Variants in ROBO2 observed in about 807,000 individuals in gnomAD.
ROBO2 encodes the protein roundabout homolog 2.
ROBO2 carries 53 observed loss-of-function variants against 160.8 expected under a neutral mutation model. The ratio of observed to expected loss-of-function variants is 0.33; its 90% CI spans 0.26 to 0.41. The LOEUF is 0.41. ROBO2 is among the 10% of genes least tolerant of loss of function. The pLI, the probability that ROBO2 is intolerant of heterozygous loss-of-function variation, is 1.00. For missense variants in ROBO2, 1,577 were observed against 1,722.4 expected (o/e 0.92, Z 1.49); for synonymous variants, 664 against 611.7 (o/e 1.09, Z -1.26).
At chr3:77,095,026 T>G (rs1038213171) in intron 1 of ROBO2, among the ~76,000 whole-genome samples, 6 of 152,178 alleles carry the variant, frequency 3.9e-5, no homozygotes, top group African/African-American at 1.4e-4. Flanking sequence ...TTTTATAACA[T>G]CCAGTTTATC....
rs117648478 is a variant in ROBO2 at position 76,142,346 on chromosome 3, A to G, written c.109+204744A>G. Reference sequence around the variant, plus strand: ...TACCCAAAAGAAAGGAAATCAGTTTATGGAAGAGATATCTGCACTCCTACG... The same window carrying G: ...TACCCAAAAGAAAGGAAATCAGTTTGTGGAAGAGATATCTGCACTCCTACG... On this transcript the variant is annotated intron_variant, in intron 2 of 26. Transcript: ENST00000487694. Among the ~76,000 whole-genome samples the G allele has an allele frequency of 5.2e-3, 794 of 152,188 alleles. 15 individuals carry two copies. Among genetic ancestry groups the G allele is most frequent in the East Asian group, 0.044 (224 of 5,146 alleles).
chr3:76,393,154 G>T, intron 2 of ROBO2, among the ~76,000 whole-genome samples: 1 of 152,082 alleles, frequency 6.6e-6, no homozygotes, highest in East Asian at 1.9e-4. Context: ...CATCATGGGA[G>T]CTTGTTAAAA....
At chr3:76,568,659 A>G (rs141236683) in intron 2 of ROBO2, among the ~76,000 whole-genome samples, 4 of 152,174 alleles carry the variant, frequency 2.6e-5, no homozygotes, top group Non-Finnish European at 5.9e-5. Context: ...TTCTGGTAGT[A>G]TTTCTGCCAT....
chr3:77,251,679 G>A (rs2090364474), intron 2 of ROBO2, among the ~76,000 whole-genome samples: 1 of 152,076 alleles, frequency 6.6e-6, no homozygotes, highest in Non-Finnish European at 1.5e-5. Context: ...GGACCTAGGG[G>A]GAGATGATTG....
chr3:76,870,837 C>T (rs1014243196), intron 2 of ROBO2, among the ~76,000 whole-genome samples: 8 of 150,530 alleles, frequency 5.3e-5, no homozygotes, highest in Admixed American at 3.3e-4. Flanking sequence ...TGCTTCATTG[C>T]ATACCCACGT....
intron 2 of ROBO2, among the ~76,000 whole-genome samples, chr3:76,622,217 A>G (rs2089161404): frequency 2.2e-5 from 1 of 45,886 alleles, no homozygotes; most frequent in Non-Finnish European, 4.1e-5. Flanking sequence ...GAAGGAAGGA[A>G]GGAAGGAAGG....
At chr3:77,007,380 A>C (rs1276682310) in intron 2 of ROBO2, among the ~76,000 whole-genome samples, 1 of 152,050 alleles carries the variant, frequency 6.6e-6, no homozygotes, top group Non-Finnish European at 1.5e-5. Context: ...ACTGTGTAAG[A>C]TACTAAAAAT....
At chr3:76,776,525 T>C (rs556955641) in intron 2 of ROBO2, among the ~76,000 whole-genome samples, 32 of 150,978 alleles carry the variant, frequency 2.1e-4, no homozygotes, top group African/African-American at 7.2e-4. Context: ...TAGAAAGAGT[T>C]CTGGGTACTT....
chr3:76,138,481 A>C (rs924501133), intron 2 of ROBO2, among the ~76,000 whole-genome samples: 9 of 152,082 alleles, frequency 5.9e-5, no homozygotes, highest in African/African-American at 2.2e-4. Context: ...GCGTTGTACT[A>C]TAAAAGGGAA....
rs58517740 is a variant in ROBO2 at position 76,521,045 on chromosome 3, CT to C, written c.110-576946del. On this transcript the variant is annotated intron_variant, in intron 2 of 26. Coordinates refer to the ROBO2 transcript ENST00000487694. ...AAAACAGTTGCAACAAAAATTGCTT[CT>C]TTTTTTTTTTTTTTTTTTTTTTGAC... Among the ~76,000 whole-genome samples the C allele has an allele frequency of 7.3e-3, 734 of 100,084 alleles. 2 individuals carry two copies. The highest frequency in any genetic ancestry group is 0.024 in the East Asian group (80 of 3,310). The allele number at this position is 100,084 out of a possible 152,430, so 65.7% of individuals were successfully genotyped here. A position where few individuals can be genotyped will look rare whatever the true frequency, so the allele number is the denominator to read the frequency against.
chr3:77,287,640 T>G (rs766618711), intron 2 of ROBO2, among the ~76,000 whole-genome samples: 1 of 152,170 alleles, frequency 6.6e-6, no homozygotes, highest in African/African-American at 2.4e-5. Flanking sequence ...AGATGGATTT[T>G]TAGAGGATTT....
intron 2 of ROBO2, among the ~76,000 whole-genome samples, chr3:76,183,881 A>T (rs1003522761): frequency 6.6e-6 from 1 of 152,178 alleles, no homozygotes; most frequent in Non-Finnish European, 1.5e-5. Flanking sequence ...TCCAGATTCT[A>T]TGCATTAAGA....
At chr3:76,891,134 C>T (rs935824416) in intron 2 of ROBO2, among the ~76,000 whole-genome samples, 12 of 152,120 alleles carry the variant, frequency 7.9e-5, no homozygotes, top group African/African-American at 1.2e-4. Flanking sequence ...TTCTTAATAT[C>T]GAACTATCTT....
intron 2 of ROBO2, among the ~76,000 whole-genome samples, chr3:77,012,838 C>T (rs950887229): frequency 7.2e-5 from 11 of 152,196 alleles, no homozygotes; most frequent in Admixed American, 2.6e-4. Context: ...TTGTGAATTA[C>T]CTTTTGTGGC....
intron 5 of ROBO2, among the ~76,000 whole-genome samples, chr3:77,514,954 T>C (rs1582622314): frequency 6.6e-6 from 1 of 151,234 alleles, no homozygotes; most frequent in Non-Finnish European, 1.5e-5. Context: ...GTCACAAGAG[T>C]TTTTTCCCCA....
At chr3:77,154,862 A>G (rs2077859275) in intron 2 of ROBO2, among the ~76,000 whole-genome samples, 1 of 151,890 alleles carries the variant, frequency 6.6e-6, no homozygotes, top group Admixed American at 6.6e-5. Context: ...CTGGGGACTT[A>G]TAGATGGGGG....
chr3:76,877,384 T>G (rs2072860518), intron 2 of ROBO2, among the ~76,000 whole-genome samples: 1 of 152,198 alleles, frequency 6.6e-6, no homozygotes, highest in African/African-American at 2.4e-5. Flanking sequence ...TATTCTGTGC[T>G]CTAAGGTTGT....
chr3:76,003,345 C>A (rs928831578), intron 2 of ROBO2, among the ~76,000 whole-genome samples: 3 of 152,086 alleles, frequency 2.0e-5, no homozygotes, highest in Admixed American at 1.3e-4. Context: ...TAGATTATAC[C>A]AGCCGGGTAT....
intron 2 of ROBO2, among the ~76,000 whole-genome samples, chr3:76,935,282 A>G (rs1037976512): frequency 6.6e-6 from 1 of 152,128 alleles, no homozygotes; most frequent in Admixed American, 6.6e-5. Flanking sequence ...CCAAAAGAAA[A>G]CAGTATCCAC....
Sources: allele counts gnomAD v4.1 joint callset (sites outside exome capture counted in the v4.1 genomes callset), GRCh38; gene constraint gnomAD v4.1.1; transcripts MANE v1.5; gene names NCBI Gene and HGNC (gene_info 2026-07-23, HGNC 2026-07-21).